The following GRID1 variants were observed in gnomAD, a reference collection of about 807,000 sequenced individuals.
GRID1 encodes the protein glutamate ionotropic receptor delta type subunit 1.
A neutral mutation model predicts 98.0 loss-of-function variants in GRID1; 28 were observed. The observed-to-expected ratio is 0.29, with a 90% confidence interval of 0.21 to 0.39. GRID1 has a LOEUF of 0.39. Among genes scored for constraint, GRID1 ranks in the 10% least tolerant of loss-of-function variants. The probability of loss-of-function intolerance (pLI) is 1.00; values close to 1 mark genes in which losing one functional copy is unlikely to be tolerated. For synonymous variants in GRID1, 553 were observed against 538.5 expected (o/e 1.03, Z -0.37); for missense variants, 1,111 against 1,340.5 (o/e 0.83, Z 2.67).
At chr10:85,920,775 G>A (rs536536133) in intron 4 of GRID1, among the ~76,000 whole-genome samples, 33 of 152,202 alleles carry the variant, frequency 2.2e-4, no homozygotes, top group South Asian at 8.3e-4. Context: ...AGGGAAGGGG[G>A]GCCGGCCTTC....
chr10:85,995,963 T>G (rs1842734953), intron 4 of GRID1, among the ~76,000 whole-genome samples: 1 of 152,216 alleles, frequency 6.6e-6, no homozygotes, highest in African/African-American at 2.4e-5. Flanking sequence ...CAGATTACCA[T>G]TAGGTTCCAG....
intron 3 of GRID1, among the ~76,000 whole-genome samples, chr10:86,202,165 T>A (rs1845962611): frequency 6.6e-6 from 1 of 152,242 alleles, no homozygotes; most frequent in Non-Finnish European, 1.5e-5. Context: ...AAGAAAGGAC[T>A]GCCGTGCCCT....
chr10:86,228,682 G>C (rs56742379), intron 2 of GRID1, among the ~76,000 whole-genome samples: 1,737 of 152,184 alleles, frequency 0.011, 38 homozygotes, highest in African/African-American at 0.04. Flanking sequence ...GAGAACAACA[G>C]TGTCCCAGGA....
chr10:86,193,112 C>T (rs765074344), intron 3 of GRID1, among the ~76,000 whole-genome samples: 6 of 152,090 alleles, frequency 3.9e-5, no homozygotes, highest in Non-Finnish European at 5.9e-5. Flanking sequence ...GCACCCTCCA[C>T]TCTCTCCTCA....
intron 2 of GRID1, among the ~76,000 whole-genome samples, chr10:86,306,208 T>C (rs1009235021): frequency 2.0e-5 from 3 of 152,190 alleles, no homozygotes; most frequent in African/African-American, 7.2e-5. Context: ...AGAGTCCTCC[T>C]CTGAGCTTAG....
intron 2 of GRID1, among the ~76,000 whole-genome samples, chr10:86,339,537 T>C (rs80053527): frequency 1.2e-3 from 183 of 152,338 alleles, no homozygotes; most frequent in African/African-American, 4.4e-3. Context: ...GAAGAAAGCT[T>C]AGGCCTTTGC....
At chr10:85,641,511 G>A (rs1445238830) in intron 13 of GRID1, among the ~76,000 whole-genome samples, 1 of 152,164 alleles carries the variant, frequency 6.6e-6, no homozygotes, top group Non-Finnish European at 1.5e-5. Flanking sequence ...ACATTGAGGT[G>A]TAGAAAAGAC....
intron 8 of GRID1, among the ~76,000 whole-genome samples, chr10:85,738,554 T>C (rs1021611416): frequency 6.6e-6 from 1 of 152,220 alleles, no homozygotes; most frequent in African/African-American, 2.4e-5. Context: ...TGAATGTTCA[T>C]TGAAGCTTTA....
intron 4 of GRID1, among the ~76,000 whole-genome samples, chr10:86,006,784 C>T (rs1294392199): frequency 1.3e-5 from 2 of 149,232 alleles, no homozygotes; most frequent in Non-Finnish European, 3.0e-5. Flanking sequence ...TAATGGGGCC[C>T]TTCCTCCTTG....
At chr10:85,727,101 T>A (rs961382537) in intron 10 of GRID1, among the ~76,000 whole-genome samples, 1 of 152,148 alleles carries the variant, frequency 6.6e-6, no homozygotes, top group Non-Finnish European at 1.5e-5. Context: ...ACATGTAAGA[T>A]GCTAACAAGA....
chr10:85,935,243 G>T (rs1445119012), intron 4 of GRID1, among the ~76,000 whole-genome samples: 1 of 152,152 alleles, frequency 6.6e-6, no homozygotes, highest in African/African-American at 2.4e-5. Context: ...GCCAGAAGAG[G>T]ATCCCAAGTC....
At chr10:85,869,894 C>T (rs1327865287) in intron 5 of GRID1, among the ~76,000 whole-genome samples, 1 of 152,176 alleles carries the variant, frequency 6.6e-6, no homozygotes, top group African/African-American at 2.4e-5. Context: ...CTCACAACAT[C>T]CCATCCTGGT....
intron 4 of GRID1, among the ~76,000 whole-genome samples, chr10:85,984,095 T>C (rs1842579020): frequency 6.6e-6 from 1 of 151,976 alleles, no homozygotes; most frequent in Non-Finnish European, 1.5e-5. Flanking sequence ...CTCTCCTCCA[T>C]GACCTCCCAG....
At chr10:86,204,899 G>A (rs998979298) in intron 3 of GRID1, among the ~76,000 whole-genome samples, 7 of 151,350 alleles carry the variant, frequency 4.6e-5, no homozygotes, top group Admixed American at 1.3e-4. Flanking sequence ...AAGGGTTCTC[G>A]GGGAAGGCCT....
chr10:86,113,506 C>T (rs192875171), intron 4 of GRID1, among the ~76,000 whole-genome samples: 10 of 152,292 alleles, frequency 6.6e-5, no homozygotes, highest in Admixed American at 2.6e-4. Flanking sequence ...CGAAAGTAGC[C>T]CCAGTCATGT....
intron 4 of GRID1, among the ~76,000 whole-genome samples, chr10:86,138,544 T>G (rs960126810): frequency 1.3e-5 from 2 of 151,316 alleles, no homozygotes; most frequent in Non-Finnish European, 2.9e-5. Flanking sequence ...GCCTCAGAAA[T>G]CTCTGTCAGT....
Position 85,702,768 on chromosome 10 carries a change from G to A in GRID1, c.1997+20235C>T, listed in dbSNP as rs567558483. On this transcript the variant is annotated intron_variant, in intron 12 of 15. Coordinates refer to ENST00000327946, the MANE Select transcript of GRID1 (RefSeq NM_017551.3). ...GAAAAAGAGCAGTATGAGGATAAACGGAGGCAGAGAGGAGAGATGAGAAAA... is the reference window on the plus strand; with the variant it reads ...GAAAAAGAGCAGTATGAGGATAAACAGAGGCAGAGAGGAGAGATGAGAAAA... Among the ~76,000 whole-genome samples, 5 of 151,648 alleles carry A rather than the reference G, an allele frequency of 3.3e-5. 1 individual carries two copies. The highest frequency in any genetic ancestry group is 4.2e-4 in the South Asian group (2 of 4,800).
In GRID1 at chr10:86,233,086, G is replaced by A. The variant is rs758724734; in HGVS notation, c.236-26438C>T. ...TTCAGCCAGGCCTTTGCAGGAGAAC[G>A]GGATGTCTATGGCAGAGGCTGGGGG... On this transcript the variant is annotated intron_variant, in intron 2 of 15. Coordinates refer to ENST00000327946, the MANE Select transcript of GRID1 (RefSeq NM_017551.3). 9.9e-5 allele frequency among the ~76,000 whole-genome samples: 15 copies of A among 152,222 alleles called. 1 individual carries two copies. Among genetic ancestry groups the A allele is most frequent in the Admixed American group, 3.9e-4 (6 of 15,290 alleles).
At chr10:85,983,449 A>G (rs148721592) in intron 4 of GRID1, among the ~76,000 whole-genome samples, 9 of 152,348 alleles carry the variant, frequency 5.9e-5, no homozygotes, top group South Asian at 2.1e-4. Context: ...CCCAGTTCAC[A>G]GTGCTGCACA....
Sources: allele counts gnomAD v4.1 joint callset (sites outside exome capture counted in the v4.1 genomes callset), GRCh38; gene constraint gnomAD v4.1.1; transcripts MANE v1.5; gene names NCBI Gene and HGNC (gene_info 2026-07-23, HGNC 2026-07-21).